The following ATP2B1 variants were observed in gnomAD, a reference collection of about 807,000 sequenced individuals.
ATP2B1 encodes plasma membrane calcium-transporting ATPase 1.
A neutral mutation model predicts 124.2 loss-of-function variants in ATP2B1; 14 were observed. The observed-to-expected ratio is 0.11, with a 90% CI of 0.07 to 0.18. The LOEUF (loss-of-function observed/expected upper bound fraction) is 0.18, where lower values mean the gene tolerates loss of function less well. Among genes scored for constraint, ATP2B1 ranks in the 10% least tolerant of loss-of-function variants. The pLI is 1.00. For missense variants in ATP2B1, 763 were observed against 1,466.1 expected (o/e 0.52, Z 7.83); for synonymous variants, 449 against 492.4 (o/e 0.91, Z 1.17).
intron 1 of ATP2B1, among the ~76,000 whole-genome samples, chr12:89,677,090 G>A (rs532909566): frequency 2.6e-5 from 4 of 152,006 alleles, no homozygotes; most frequent in African/African-American, 9.6e-5. Context: ...AAAGCATTTC[G>A]CAATTTTAAA....
At chr12:89,668,462 C>T (rs1333445697) in intron 1 of ATP2B1, among the ~76,000 whole-genome samples, 1 of 152,136 alleles carries the variant, frequency 6.6e-6, no homozygotes, top group East Asian at 1.9e-4. Context: ...AAAAAACATA[C>T]AGTTTTCAAA....
intron 1 of ATP2B1, among the ~76,000 whole-genome samples, chr12:89,683,997 T>TA (rs1264514294): frequency 6.6e-6 from 1 of 151,948 alleles, no homozygotes; most frequent in Non-Finnish European, 1.5e-5. Flanking sequence ...CATACAGCTG[T>TA]AAAAAAGAAT....
intron 2 of ATP2B1, among the ~76,000 whole-genome samples, chr12:89,651,559 T>C (rs1300311471): frequency 6.6e-6 from 1 of 152,148 alleles, no homozygotes; most frequent in Admixed American, 6.5e-5. Flanking sequence ...TGAGCCACCA[T>C]ACCTGGCCAG....
At chr12:89,620,384 T>A in intron 10 of ATP2B1, 144 bp from the exon 11 acceptor site, 1 of 1,099,344 alleles carries the variant, frequency 9.1e-7, no homozygotes, top group Non-Finnish European at 1.3e-6. Context: ...TATAGAAAAG[T>A]AAGGTAGAAA....
In ATP2B1 at chr12:89,603,833, C is replaced by T. The variant is rs1277552794; in HGVS notation, c.2727G>A (p.Glu909=). Residue 909 remains glutamate (E), a synonymous_variant, in exon 17 of 21, where the codon GAG becomes GAA. Transcript: ENST00000428670. This position sits in a 1 kb window ranked among gnomAD's most constrained non-coding sequence, Gnocchi z 4.3. ...SLALATEPPT[E]SLLLRKPYGR... ...CATAAGGTTTCCGAAGCAAGAGAGA[C>T]TCAGTGGGTGGTTCCGTTGCCAGAG... 2 of 1,614,092 alleles carry T rather than the reference C, an allele frequency of 1.2e-6. No homozygotes were observed. Among genetic ancestry groups the T allele is most frequent in the East Asian group, 4.5e-5 (2 of 44,874 alleles).
At chr12:89,626,660 A>C in intron 7 of ATP2B1, 45 bp from the exon 8 acceptor site, 5 of 1,534,002 alleles carry the variant, frequency 3.3e-6, no homozygotes, top group Non-Finnish European at 4.4e-6. Flanking sequence ...TTAAAGGCAC[A>C]TATCACTATT....
chr12:89,641,408 T>G, intron 3 of ATP2B1, among the ~76,000 whole-genome samples: 1 of 152,224 alleles, frequency 6.6e-6, no homozygotes, highest in East Asian at 1.9e-4. Flanking sequence ...GATTTGGGAA[T>G]ATGTGCATAT....
chr12:89,708,052 C>T (rs1291808571), intron 1 of ATP2B1, among the ~76,000 whole-genome samples: 1 of 152,212 alleles, frequency 6.6e-6, no homozygotes, highest in Non-Finnish European at 1.5e-5. Flanking sequence ...CGAGGAATCA[C>T]CGTCCTGACA....
chr12:89,602,923 A>T, intron 18 of ATP2B1, 120 bp downstream of exon 18: 2 of 815,696 alleles, frequency 2.5e-6, no homozygotes, highest in Non-Finnish European at 1.9e-6. Flanking sequence ...ATGATATTAT[A>T]TATGTCACCA....
At position 89,591,124 on chromosome 12, in the gene ATP2B1, G is replaced by A. The variant is rs755798585; in HGVS notation, c.3523C>T (p.Arg1175Cys). 2 of 1,613,260 alleles carry A rather than the reference G, an allele frequency of 1.2e-6. No individual in the cohort carries two copies. The highest frequency in any genetic ancestry group is 2.2e-5 in the South Asian group (2 of 91,080). The change falls in exon 21 of 21, where the codon CGT becomes TGT. Residue 1175 changes from arginine (R) to cysteine (C), a missense_variant. This residue lies in a region of ATP2B1 where 97 missense variants were observed against 94.7 expected (regional missense o/e 1.02). Transcript: ENST00000428670. ...TDAEDDAPTK[R>C]NSSPPPSPNK... is the part of the protein sequence containing the mutation. ...GGAGAGGGTGGAGGACTGGAGTTAC[G>A]TTTTGTAGGAGCATCATCTTCGGCA...
chr12:89,665,544 ATAAAGT>A (rs1176831276), intron 1 of ATP2B1, among the ~76,000 whole-genome samples: 3 of 152,212 alleles, frequency 2.0e-5, no homozygotes, highest in African/African-American at 7.2e-5. Context: ...AGCTCAAAAA[ATAAAGT>A]TAATTTTATA....
intron 15 of ATP2B1, among the ~76,000 whole-genome samples, chr12:89,608,466 A>C (rs773483727): frequency 1.3e-5 from 2 of 151,822 alleles, no homozygotes; most frequent in Non-Finnish European, 2.9e-5. Flanking sequence ...GTGAGCCATC[A>C]TGGCCAGCCT....
At chr12:89,615,996 G>T (rs549586954) in intron 12 of ATP2B1, among the ~76,000 whole-genome samples, 18 of 152,096 alleles carry the variant, frequency 1.2e-4, no homozygotes, top group Non-Finnish European at 2.2e-4. Flanking sequence ...CACACAGTGA[G>T]AACTCAATAA....
intron 2 of ATP2B1, among the ~76,000 whole-genome samples, chr12:89,654,696 A>T (rs940738251): frequency 2.0e-5 from 3 of 152,166 alleles, no homozygotes; most frequent in Non-Finnish European, 4.4e-5. Context: ...TTTGGAAAAG[A>T]CTTTTTGCTA....
intron 15 of ATP2B1, among the ~76,000 whole-genome samples, chr12:89,606,152 ACT>A (rs1876819496): frequency 2.6e-5 from 4 of 152,174 alleles, no homozygotes; most frequent in African/African-American, 9.7e-5. Context: ...TTATGATATA[ACT>A]CTGCTGGCAG....
In ATP2B1 at chr12:89,604,861, C is replaced by A. The variant is rs1303991120; in HGVS notation, c.2443-515G>T. Among the ~76,000 whole-genome samples the A allele has an allele frequency of 5.6e-5, 8 of 143,556 alleles. 1 individual carries two copies. Among genetic ancestry groups the A allele is most frequent in the African/African-American group, 1.8e-4 (7 of 39,638 alleles). 94.2% of individuals were successfully genotyped at this position (143,556 alleles called of 152,430 possible). A position where few individuals can be genotyped will look rare whatever the true frequency, so the allele number is the denominator to read the frequency against. On this transcript the variant is annotated intron_variant, in intron 15 of 20. Transcript: ENST00000428670. Reference sequence around the variant, plus strand: ...CCTTTCCCCCCAACAACAGAACCCCCCTGTCAGCTCCAGACTTGGCAGATT... The same window carrying A: ...CCTTTCCCCCCAACAACAGAACCCCACTGTCAGCTCCAGACTTGGCAGATT...
intron 9 of ATP2B1, among the ~76,000 whole-genome samples, chr12:89,622,977 CA>C (rs1404771593): frequency 2.0e-5 from 3 of 151,960 alleles, no homozygotes; most frequent in Non-Finnish European, 4.4e-5. Flanking sequence ...TCTATGTGTC[CA>C]AAACTTGTAT....
Position 89,690,235 on chromosome 12 carries a change from T to A in ATP2B1, c.-222+18361A>T, listed in dbSNP as rs945514882. Among the ~76,000 whole-genome samples, 5 of 152,112 alleles carry A rather than the reference T, an allele frequency of 3.3e-5. No individual in the cohort carries two copies. The East Asian group carries it at 5.8e-4, about 18-fold the overall frequency. ...TTAACTTAAATCATTCTAATAATGCTGCCATTGCTTAAAACATTTGCTCTC... is the reference window on the plus strand; with the variant it reads ...TTAACTTAAATCATTCTAATAATGCAGCCATTGCTTAAAACATTTGCTCTC... On this transcript the variant is annotated intron_variant, in intron 1 of 20. Transcript: ENST00000428670.
intron 1 of ATP2B1, among the ~76,000 whole-genome samples, chr12:89,683,078 T>C (rs1192991906): frequency 6.6e-6 from 1 of 152,192 alleles, no homozygotes; most frequent in Admixed American, 6.6e-5. Flanking sequence ...GATGTTCAAC[T>C]TCACTCAAAA....
Sources: gnomAD v4.1 joint callset for allele counts (sites outside exome capture counted in the v4.1 genomes callset) on GRCh38, gnomAD v4.1.1 for gene constraint, gnomAD v4.1.1 regional missense constraint, Gnocchi (gnomAD v3.1) non-coding constraint, MANE v1.5 for transcripts, NCBI Gene and HGNC (gene_info 2026-07-23, HGNC 2026-07-21) for gene names.